The following SHROOM2 variants were observed in gnomAD, a reference collection of about 807,000 sequenced individuals.
The protein encoded by SHROOM2 is protein Shroom2.
SHROOM2 carries 33 observed loss-of-function variants against 75.9 expected under a neutral mutation model. That is an observed-to-expected ratio of 0.43 (90% confidence interval 0.33 to 0.58). SHROOM2 has a LOEUF of 0.58. Among genes scored for constraint, SHROOM2 ranks in the 20% least tolerant of loss-of-function variants. SHROOM2 has a pLI of 0.04. For synonymous variants in SHROOM2, 655 were observed against 663.6 expected (o/e 0.99, Z 0.20); for missense variants, 1,434 against 1,461.2 (o/e 0.98, Z 0.30).
rs1316883917 is a variant in SHROOM2, at chrX:9,947,291, C to T, written c.*354C>T. On this transcript the variant is annotated 3_prime_UTR_variant, in exon 10 of 10. Coordinates refer to ENST00000380913, the MANE Select transcript of SHROOM2 (RefSeq NM_001649.4). The stretch of plus-strand genomic sequence containing the variant: ...TTCCTCCCGTCTTCAGATGCTGAGC[C>T]AACTGCTTGGACAGCAGCCAGCGCG... 2 of 224,768 alleles carry T rather than the reference C, an allele frequency of 8.9e-6. No individual in the cohort carries two copies. Among genetic ancestry groups the T allele is most frequent in the Admixed American group, 1.3e-4 (2 of 14,876 alleles). 18.5% of individuals were successfully genotyped at this position (224,768 alleles called of 1,213,427 possible).
Position 9,944,921 on chromosome X carries a change from C to T in SHROOM2, c.4584+8C>T, listed in dbSNP as rs1449321183. On this transcript the variant is annotated splice_region_variant and intron_variant, in intron 9 of 9. Coordinates refer to ENST00000380913, the MANE Select transcript of SHROOM2 (RefSeq NM_001649.4). ...GCTTCTCCCGGTGATCGGGTAAATGCAGATACGTCTGACTTGGAAATGGGG... is the reference window on the plus strand; with the variant it reads ...GCTTCTCCCGGTGATCGGGTAAATGTAGATACGTCTGACTTGGAAATGGGG... 8.4e-7 allele frequency: 1 copy of T among 1,187,880 alleles called. No individual in the cohort carries two copies. Among genetic ancestry groups the T allele is most frequent in the Non-Finnish European group, 1.1e-6 (1 of 881,166 alleles).
chrX:9,893,449 A>G (rs1176615309), intron 3 of SHROOM2, among the ~76,000 whole-genome samples: 2 of 111,361 alleles, frequency 1.8e-5, no homozygotes, highest in Non-Finnish European at 3.8e-5. Flanking sequence ...TAGCTAGTAA[A>G]TGCTTTTGGC....
chrX:9,934,482 A>T (rs1401837691), intron 6 of SHROOM2, among the ~76,000 whole-genome samples: 1 of 111,450 alleles, frequency 9.0e-6, no homozygotes, highest in Admixed American at 9.6e-5. Context: ...TGAATTGGTA[A>T]CATTGTAAGG....
intron 1 of SHROOM2, among the ~76,000 whole-genome samples, chrX:9,787,365 G>A (rs1030878392): frequency 1.8e-5 from 2 of 111,785 alleles, no homozygotes; most frequent in Non-Finnish European, 3.8e-5. Context: ...GTTTGCTTTA[G>A]AACATTGAAT....
At chrX:9,853,760 A>G (rs1403746135) in intron 1 of SHROOM2, among the ~76,000 whole-genome samples, 1 of 112,287 alleles carries the variant, frequency 8.9e-6, no homozygotes, top group African/African-American at 3.2e-5. Flanking sequence ...AGGCTTCAAC[A>G]TATCTTTTTG....
chrX:9,863,115 G>A (rs1228198043), intron 1 of SHROOM2, among the ~76,000 whole-genome samples: 1 of 110,790 alleles, frequency 9.0e-6, no homozygotes, highest in Non-Finnish European at 1.9e-5. Context: ...CTCTTCTTCC[G>A]GTCCCGTCCA....
intron 1 of SHROOM2, among the ~76,000 whole-genome samples, chrX:9,872,081 C>T (rs919259828): frequency 7.1e-5 from 8 of 112,409 alleles, no homozygotes; most frequent in Non-Finnish European, 1.1e-4. Context: ...CTACTCAATT[C>T]TGCCCTGTAG....
chrX:9,895,336 T>C lies in SHROOM2; in HGVS notation c.1428T>C (p.Gly476=). 1 of 1,171,743 alleles carries C rather than the reference T, an allele frequency of 8.5e-7. No homozygotes were observed. The highest frequency in any genetic ancestry group is 1.1e-6 in the Non-Finnish European group (1 of 876,257). ...CDQKLGSGWQ[G]PRPCVQGDLQ... Reference sequence around the variant, plus strand: ...AGAAGCTGGGGAGCGGCTGGCAGGGTCCCCGGCCCTGTGTGCAGGGAGACC... The same window carrying C: ...AGAAGCTGGGGAGCGGCTGGCAGGGCCCCCGGCCCTGTGTGCAGGGAGACC... The change falls in exon 4 of 10, where the codon GGT becomes GGC. Residue 476 remains glycine (G), a synonymous_variant. Coordinates refer to ENST00000380913, the MANE Select transcript of SHROOM2 (RefSeq NM_001649.4).
At position 9,894,993 on chromosome X, in the gene SHROOM2, G is replaced by T. The variant is rs146745184; in HGVS notation, c.1085G>T (p.Arg362Ile). Residue 362 changes from arginine (R) to isoleucine (I), a missense_variant, in exon 4 of 10, where the codon AGA becomes ATA. Arg to Ile is a moderately conservative substitution (Grantham distance 97, BLOSUM62 -3). This residue lies in a region of SHROOM2 where 1,340 missense variants were observed against 1,338.3 expected (regional missense o/e 1.00). Coordinates refer to ENST00000380913, the MANE Select transcript of SHROOM2 (RefSeq NM_001649.4). ...LAQAQPRGDR[R>I]PELTDRPWRS... ...CAGGCTCAGCCTCGTGGTGACCGGA[G>T]ACCAGAGCTCACCGATCGGCCTTGG... is the stretch of plus-strand genomic sequence containing the variant. The T allele has an allele frequency of 9.1e-6, 11 of 1,209,050 alleles. No individual in the cohort carries two copies. The highest frequency in any genetic ancestry group is 1.2e-5 in the Non-Finnish European group (11 of 894,838).
At chrX:9,819,942 T>C (rs2083844115) in intron 1 of SHROOM2, among the ~76,000 whole-genome samples, 1 of 108,787 alleles carries the variant, frequency 9.2e-6, no homozygotes, top group Non-Finnish European at 1.9e-5. Flanking sequence ...TACAGGCACC[T>C]GCCACCACAC....
chrX:9,917,884 G>C (rs1285219427), intron 5 of SHROOM2, among the ~76,000 whole-genome samples: 1 of 111,715 alleles, frequency 9.0e-6, no homozygotes, highest in Non-Finnish European at 1.9e-5. Flanking sequence ...CGTTCTTACT[G>C]GGCAAGTGAG....
rs570036756 is a variant in SHROOM2 at position 9,894,766 on chromosome X, C to T, written c.858C>T (p.Ala286=). ...AAGGCCCCAGGCCAGAGTACAATGC[C>T]GAGCCCAAGCTGGCTGCCCCTGGGA... The part of the protein sequence containing the change: ...SGKGPRPEYN[A]EPKLAAPGRS... Residue 286 remains alanine (A), a synonymous_variant, in exon 4 of 10, where the codon GCC becomes GCT. Transcript: ENST00000380913. The T allele has an allele frequency of 2.2e-5, 27 of 1,210,224 alleles. No homozygotes were observed. In the East Asian group the frequency reaches 6.5e-4, roughly 29 times the overall value.
intron 1 of SHROOM2, among the ~76,000 whole-genome samples, chrX:9,820,310 C>T (rs2083847046): frequency 9.2e-6 from 1 of 108,868 alleles, no homozygotes; most frequent in South Asian, 4.0e-4. Flanking sequence ...CCATCCTTTC[C>T]CACCCTCTTT....
intron 8 of SHROOM2, among the ~76,000 whole-genome samples, chrX:9,940,455 C>T (rs1246041545): frequency 2.7e-5 from 3 of 111,875 alleles, no homozygotes; most frequent in South Asian, 3.7e-4. Flanking sequence ...GCTGGGAAGC[C>T]GCCTCACCAG....
chrX:9,891,958 T>C (rs1052982793), intron 3 of SHROOM2, among the ~76,000 whole-genome samples: 1 of 110,692 alleles, frequency 9.0e-6, no homozygotes, highest in Non-Finnish European at 1.9e-5. Flanking sequence ...AGTTTTTGGC[T>C]GTTAATAAAT....
chrX:9,883,473 C>T (rs1161264410), intron 2 of SHROOM2, among the ~76,000 whole-genome samples: 1 of 111,499 alleles, frequency 9.0e-6, no homozygotes, highest in African/African-American at 3.3e-5. Flanking sequence ...ACTCCTGTCC[C>T]ACTGCAGCCC....
chrX:9,833,078 G>A (rs1008470022), intron 1 of SHROOM2, among the ~76,000 whole-genome samples: 2 of 110,853 alleles, frequency 1.8e-5, no homozygotes, highest in African/African-American at 6.6e-5. Flanking sequence ...TCCTTGTGGA[G>A]AAGGAAAACA....
intron 1 of SHROOM2, among the ~76,000 whole-genome samples, chrX:9,791,753 G>T (rs978482282): frequency 3.6e-5 from 4 of 110,836 alleles, no homozygotes; most frequent in African/African-American, 6.6e-5. Flanking sequence ...AGCACTTTGG[G>T]AGGCCGAGGC....
chrX:9,788,846 A>G (rs1340786761), intron 1 of SHROOM2, among the ~76,000 whole-genome samples: 1 of 110,583 alleles, frequency 9.0e-6, no homozygotes, highest in East Asian at 2.9e-4. Flanking sequence ...GCTTGATGCT[A>G]CTGTCACCTC....
Sources: allele counts gnomAD v4.1 joint callset (sites outside exome capture counted in the v4.1 genomes callset), GRCh38; gene constraint gnomAD v4.1.1; regional missense constraint gnomAD v4.1.1; transcripts MANE v1.5; gene names NCBI Gene and HGNC (gene_info 2026-07-23, HGNC 2026-07-21).